XKR4: variants seen among roughly 807,000 people sequenced by gnomAD.
XKR4 encodes the protein XK-related protein 4.
In XKR4, 12 loss-of-function variants were observed where a neutral mutation model predicts 53.9. The observed-to-expected ratio is 0.22, with a 90% confidence interval of 0.14 to 0.36. XKR4 has a LOEUF of 0.36. Ranked by LOEUF, XKR4 falls within the 10% of genes least tolerant of loss-of-function variation. The probability of loss-of-function intolerance (pLI) is 1.00; values close to 1 mark genes in which losing one functional copy is unlikely to be tolerated. For missense variants in XKR4, 799 were observed against 859.5 expected (o/e 0.93, Z 0.88); for synonymous variants, 354 against 362.4 (o/e 0.98, Z 0.26).
At chr8:55,162,976 A>G (rs1817006904) in intron 1 of XKR4, among the ~76,000 whole-genome samples, 1 of 152,246 alleles carries the variant, frequency 6.6e-6, no homozygotes, top group African/African-American at 2.4e-5. Flanking sequence ...ATACAAATAT[A>G]TAATATTGTA....
At chr8:55,428,359 C>T (rs978467583) in intron 2 of XKR4, among the ~76,000 whole-genome samples, 3 of 152,086 alleles carry the variant, frequency 2.0e-5, no homozygotes, top group Admixed American at 2.0e-4. Flanking sequence ...CAAAAAGCCC[C>T]CAAAAAGCCT....
At chr8:55,468,135 A>T (rs868630891) in intron 2 of XKR4, among the ~76,000 whole-genome samples, 1 of 152,104 alleles carries the variant, frequency 6.6e-6, no homozygotes, top group Non-Finnish European at 1.5e-5. Context: ...TTGTACAAAG[A>T]TGTTTCTCAT....
In XKR4 at chr8:55,360,195, T is replaced by C. The variant is rs547365248; in HGVS notation, c.1006+2318T>C. Among the ~76,000 whole-genome samples, 37 of 152,338 alleles carry C rather than the reference T, an allele frequency of 2.4e-4. No homozygotes were observed. The South Asian group carries it at 7.1e-3, about 29-fold the overall frequency. ...AACAAGGCAGGTGGGTAGATGGTTG[T>C]GTTACAAAACAAAGAGTGAAAATAT... On this transcript the variant is annotated intron_variant, in intron 2 of 2. Transcript: ENST00000327381.
At chr8:55,193,111 A>G (rs891787112) in intron 1 of XKR4, among the ~76,000 whole-genome samples, 4 of 151,878 alleles carry the variant, frequency 2.6e-5, no homozygotes, top group African/African-American at 9.7e-5. Flanking sequence ...AAAAAAATTC[A>G]ATTATATCGG....
At chr8:55,208,884 G>T (rs1475421807) in intron 1 of XKR4, among the ~76,000 whole-genome samples, 1 of 152,214 alleles carries the variant, frequency 6.6e-6, no homozygotes, top group African/African-American at 2.4e-5. Flanking sequence ...TCTTGGATCA[G>T]TCCCAAGCTA....
rs534483392 is a variant in XKR4 at position 55,141,601 on chromosome 8, G to A, written c.806+38307G>A. On this transcript the variant is annotated intron_variant, in intron 1 of 2. Transcript: ENST00000327381. Reference sequence around the variant, plus strand: ...TTGATTCTCGTCACCCTCTGCATCCGAGTGGGCCTGAGCTCTACTTTCTGT... The same window carrying A: ...TTGATTCTCGTCACCCTCTGCATCCAAGTGGGCCTGAGCTCTACTTTCTGT... Among the ~76,000 whole-genome samples, 5 of 149,782 alleles carry A rather than the reference G, an allele frequency of 3.3e-5. No homozygotes were observed. The East Asian group carries it at 5.9e-4, about 18-fold the overall frequency.
chr8:55,154,337 C>G (rs1197188368), intron 1 of XKR4, among the ~76,000 whole-genome samples: 1 of 152,170 alleles, frequency 6.6e-6, no homozygotes, highest in Non-Finnish European at 1.5e-5. Flanking sequence ...TTGAAAAAGG[C>G]TCACATCGTT....
At chr8:55,366,628 A>G (rs563823457) in intron 2 of XKR4, among the ~76,000 whole-genome samples, 11 of 152,332 alleles carry the variant, frequency 7.2e-5, no homozygotes, top group African/African-American at 2.6e-4. Flanking sequence ...GTCTGACTCC[A>G]GTATTCTTAA....
At chr8:55,296,875 C>A (rs533748418) in intron 1 of XKR4, among the ~76,000 whole-genome samples, 1 of 152,136 alleles carries the variant, frequency 6.6e-6, no homozygotes, top group African/African-American at 2.4e-5. Context: ...AAAGAAATAA[C>A]AAAATTGTAT....
chr8:55,113,043 A>G (rs1259558848), intron 1 of XKR4, among the ~76,000 whole-genome samples: 3 of 152,096 alleles, frequency 2.0e-5, no homozygotes, highest in South Asian at 2.1e-4. Flanking sequence ...CTTGAGTTCT[A>G]GAGGGGTGTG....
intron 2 of XKR4, among the ~76,000 whole-genome samples, chr8:55,424,765 A>T (rs1804989112): frequency 1.3e-5 from 2 of 152,198 alleles, no homozygotes; most frequent in Non-Finnish European, 2.9e-5. Context: ...GTATTTGTTG[A>T]TGAATAGAGT....
intron 2 of XKR4, among the ~76,000 whole-genome samples, chr8:55,419,046 C>T (rs1804889219): frequency 6.6e-6 from 1 of 152,138 alleles, no homozygotes; most frequent in South Asian, 2.1e-4. Flanking sequence ...CAATTACTTA[C>T]AGCGGTGTCT....
intron 1 of XKR4, among the ~76,000 whole-genome samples, chr8:55,210,083 T>C (rs1817709721): frequency 1.3e-5 from 1 of 76,410 alleles, no homozygotes; most frequent in Non-Finnish European, 3.0e-5. Context: ...CTTCATCCTC[T>C]CCATTTTTTT....
chr8:55,474,753 C>T (rs2129400467), intron 2 of XKR4, among the ~76,000 whole-genome samples: 1 of 152,140 alleles, frequency 6.6e-6, no homozygotes, highest in East Asian at 1.9e-4. Context: ...GGTCCTTTCC[C>T]TCACACAGAG....
intron 2 of XKR4, among the ~76,000 whole-genome samples, chr8:55,491,657 T>TG (rs59502270): frequency 2.1e-5 from 3 of 143,318 alleles, no homozygotes; most frequent in Admixed American, 7.0e-5. Context: ...TTTGTTTGTT[T>TG]TTTATTGCTG....
intron 2 of XKR4, chr8:55,452,382 C>T (rs1023215652): frequency 6.4e-6 from 4 of 627,456 alleles, no homozygotes; most frequent in African/African-American, 3.7e-5. Flanking sequence ...GAAGATGACC[C>T]GGTACGTAGT....
chr8:55,401,158 T>G (rs887308028), intron 2 of XKR4, among the ~76,000 whole-genome samples: 9 of 152,194 alleles, frequency 5.9e-5, no homozygotes, highest in Non-Finnish European at 1.3e-4. Context: ...ACTTTGGAAC[T>G]GCAGACATTG....
intron 2 of XKR4, among the ~76,000 whole-genome samples, chr8:55,495,046 A>G (rs1806321884): frequency 6.6e-6 from 1 of 152,036 alleles, no homozygotes; most frequent in Admixed American, 6.5e-5. Flanking sequence ...TGTCCTCAAT[A>G]CCTGCTTGGC....
chr8:55,316,068 A>T (rs954619572), intron 1 of XKR4, among the ~76,000 whole-genome samples: 7 of 152,228 alleles, frequency 4.6e-5, no homozygotes, highest in African/African-American at 1.4e-4. Context: ...ATGAATTCAA[A>T]ATTCAAATGA....
Sources: allele counts gnomAD v4.1 joint callset (sites outside exome capture counted in the v4.1 genomes callset), GRCh38; gene constraint gnomAD v4.1.1; transcripts MANE v1.5; gene names NCBI Gene and HGNC (gene_info 2026-07-23, HGNC 2026-07-21).